The following BLTP1 variants were observed in gnomAD, a reference collection of about 807,000 sequenced individuals.
BLTP1 encodes the protein bridge-like lipid transfer protein family member 1, also known as fragile site-associated protein.
the BLTP1 span, among the ~76,000 whole-genome samples, chr4:122,191,809 C>T: frequency 2.1e-3 from 324 of 151,994 alleles, 1 homozygote; most frequent in African/African-American, 7.4e-3. Context: ...GATTGAATGC[C>T]GAAACAGCTA....
the BLTP1 span, chr4:122,199,405 TACC>T: frequency 6.2e-7 from 1 of 1,613,754 alleles, no homozygotes; most frequent in Non-Finnish European, 8.5e-7. Flanking sequence ...TGGATGCCAC[TACC>T]AGCATGCAAT....
chr4:122,272,229 C>G, the BLTP1 span: 2 of 1,613,314 alleles, frequency 1.2e-6, no homozygotes, highest in Non-Finnish European at 1.7e-6. Flanking sequence ...AGCAGTTTGA[C>G]TAAGACTCAG....
chr4:122,266,219 A>G, the BLTP1 span, among the ~76,000 whole-genome samples: 2 of 152,206 alleles, frequency 1.3e-5, no homozygotes, highest in African/African-American at 4.8e-5. Flanking sequence ...TCAGTTAACT[A>G]GAGATTTAAC....
At chr4:122,263,855 G>A in the BLTP1 span, among the ~76,000 whole-genome samples, 2 of 152,136 alleles carry the variant, frequency 1.3e-5, no homozygotes, top group African/African-American at 4.8e-5. Context: ...AATGTGGCTG[G>A]TTTAAGTGGT....
chr4:122,328,107 C>A, the BLTP1 span: 1 of 1,560,408 alleles, frequency 6.4e-7, no homozygotes, highest in South Asian at 1.2e-5. Flanking sequence ...CAATCAGTTT[C>A]CAGAGGAGAC....
chr4:122,307,927 G>A, the BLTP1 span: 2 of 1,607,354 alleles, frequency 1.2e-6, no homozygotes, highest in South Asian at 2.2e-5. Flanking sequence ...TTTTCTTTCT[G>A]CCCTGTCTTA....
At chr4:122,335,887 CT>C in the BLTP1 span, among the ~76,000 whole-genome samples, 1 of 152,058 alleles carries the variant, frequency 6.6e-6, no homozygotes, top group Non-Finnish European at 1.5e-5. Flanking sequence ...TTAAAGTTCT[CT>C]ATATCTTCTT....
chr4:122,249,827 T>G, the BLTP1 span: 3 of 1,415,108 alleles, frequency 2.1e-6, no homozygotes, highest in Non-Finnish European at 2.8e-6. Context: ...TTACCGGGGG[T>G]GAGTGCCTCA....
chr4:122,239,617 C>T, the BLTP1 span: 3 of 1,614,098 alleles, frequency 1.9e-6, no homozygotes, highest in Non-Finnish European at 2.5e-6. Context: ...CGACAAGCCT[C>T]TGTCTGTTCC....
chr4:122,247,524 C>A, the BLTP1 span: 1 of 1,030,484 alleles, frequency 9.7e-7, no homozygotes, highest in Non-Finnish European at 1.4e-6. Context: ...AGCTACTTGT[C>A]ACTCACATTC....
At chr4:122,189,966 T>G in the BLTP1 span, 1 of 1,604,432 alleles carries the variant, frequency 6.2e-7, no homozygotes, top group Non-Finnish European at 8.5e-7. Context: ...TCTGGAGATT[T>G]GTTTAGTTTG....
chr4:122,186,123 A>C, the BLTP1 span: 1 of 1,612,568 alleles, frequency 6.2e-7, no homozygotes, highest in Admixed American at 1.7e-5. Flanking sequence ...GGACGCCTTC[A>C]AGAGTTGTTT....
the BLTP1 span, among the ~76,000 whole-genome samples, chr4:122,162,192 C>T: frequency 6.6e-6 from 1 of 152,162 alleles, no homozygotes; most frequent in Non-Finnish European, 1.5e-5. Flanking sequence ...AGCAAAAACA[C>T]ATAGAAAAGG....
chr4:122,174,110 G>GGA, the BLTP1 span: 1 of 691,884 alleles, frequency 1.4e-6, no homozygotes, highest in Non-Finnish European at 1.8e-6. Flanking sequence ...AAAGGGATGG[G>GGA]GAGAGATGAC....
chr4:122,216,413 C>A, the BLTP1 span, among the ~76,000 whole-genome samples: 1 of 152,136 alleles, frequency 6.6e-6, no homozygotes, highest in African/African-American at 2.4e-5. Context: ...TTCACCACAT[C>A]CACACCAACA....
At chr4:122,239,570 G>A in the BLTP1 span, 1 of 1,613,706 alleles carries the variant, frequency 6.2e-7, no homozygotes, top group African/African-American at 1.3e-5. Context: ...CTCAGGATAA[G>A]TCAGTAGGTC....
chr4:122,239,155 T>G, the BLTP1 span, among the ~76,000 whole-genome samples: 1 of 152,122 alleles, frequency 6.6e-6, no homozygotes, highest in South Asian at 2.1e-4. Flanking sequence ...CTTCCTCCAG[T>G]CTCCTTTAAT....
At chr4:122,269,195 G>C in the BLTP1 span, 1 of 425,724 alleles carries the variant, frequency 2.3e-6, no homozygotes, top group Non-Finnish European at 3.1e-6. Context: ...TATACATACA[G>C]TCTATGTTTT....
At chr4:122,309,769 T>G in the BLTP1 span, among the ~76,000 whole-genome samples, 1 of 152,028 alleles carries the variant, frequency 6.6e-6, no homozygotes, top group East Asian at 1.9e-4. Context: ...TGTCGGAATC[T>G]TGAAAAAAAA....
Sources: allele counts gnomAD v4.1 joint callset (sites outside exome capture counted in the v4.1 genomes callset), GRCh38; gene constraint gnomAD v4.1.1; transcripts MANE v1.5; gene names NCBI Gene and HGNC (gene_info 2026-07-23, HGNC 2026-07-21).